PTPRM: variants seen among roughly 807,000 people sequenced by gnomAD.
PTPRM encodes the protein protein tyrosine phosphatase receptor type M.
Under a neutral mutation model 186.7 loss-of-function variants are expected in PTPRM, and 47 were observed. The ratio of observed to expected loss-of-function variants is 0.25; its 90% confidence interval spans 0.20 to 0.32. PTPRM has a LOEUF of 0.32. PTPRM is among the 10% of genes least tolerant of loss of function. The probability of loss-of-function intolerance (pLI) is 1.00; values close to 1 mark genes in which losing one functional copy is unlikely to be tolerated. For synonymous variants in PTPRM, 668 were observed against 674.9 expected, an observed-to-expected ratio of 0.99 and a Z score of 0.16; for missense variants, 1,494 against 1,865.0, an observed-to-expected ratio of 0.80 and a Z score of 3.66.
chr18:7,676,338 G>A (rs766643164), intron 1 of PTPRM, among the ~76,000 whole-genome samples: 3 of 152,144 alleles, frequency 2.0e-5, no homozygotes, highest in Non-Finnish European at 4.4e-5. Flanking sequence ...GGTGGCTGGC[G>A]ATCAGCTATA....
At chr18:8,157,935 C>CTGTG in intron 14 of PTPRM, among the ~76,000 whole-genome samples, 1 of 152,236 alleles carries the variant, frequency 6.6e-6, no homozygotes, top group Non-Finnish European at 1.5e-5. Flanking sequence ...TGTCATGTAT[C>CTGTG]TGTGTGGACT....
intron 2 of PTPRM, among the ~76,000 whole-genome samples, chr18:7,776,968 T>C (rs1259750252): frequency 7.6e-5 from 8 of 105,404 alleles, no homozygotes; most frequent in Non-Finnish European, 1.4e-4. Context: ...GTTTCCAGGG[T>C]TTTCACCTTC....
At chr18:8,209,989 T>TAAAAAAAAAAAAAAAAAA (rs67547673) in intron 14 of PTPRM, among the ~76,000 whole-genome samples, 1 of 78,696 alleles carries the variant, frequency 1.3e-5, no homozygotes, top group Admixed American at 1.8e-4. Context: ...GAAGTAAAAT[T>TAAAAAAAAAAAAAAAAAA]AAAAAAAAAA....
intron 2 of PTPRM, among the ~76,000 whole-genome samples, chr18:7,834,824 G>A (rs187085881): frequency 4.6e-5 from 7 of 151,758 alleles, no homozygotes; most frequent in African/African-American, 1.2e-4. Flanking sequence ...GAATTTCTTC[G>A]TGGTTCAATC....
intron 14 of PTPRM, among the ~76,000 whole-genome samples, chr18:8,152,447 C>A (rs2093030394): frequency 6.6e-6 from 1 of 152,140 alleles, no homozygotes. Context: ...CAGGACAAAC[C>A]GTTGCTCTGT....
chr18:7,714,749 A>G (rs1246990907), intron 1 of PTPRM, among the ~76,000 whole-genome samples: 1 of 152,228 alleles, frequency 6.6e-6, no homozygotes, highest in Non-Finnish European at 1.5e-5. Context: ...CTCTACGCAA[A>G]TAAACTAGAA....
intron 2 of PTPRM, 74 bp downstream of exon 2, chr18:7,774,345 A>G: frequency 6.5e-7 from 1 of 1,542,038 alleles, no homozygotes; most frequent in Non-Finnish European, 8.9e-7. Flanking sequence ...TTCACTGGAT[A>G]TTGGTTAAAT....
chr18:8,056,122 C>A (rs2087911436), intron 7 of PTPRM, among the ~76,000 whole-genome samples: 1 of 152,020 alleles, frequency 6.6e-6, no homozygotes, highest in South Asian at 2.1e-4. Context: ...TGGATGTATT[C>A]TTCATTTATT....
chr18:8,143,744 T>C lies in PTPRM; in HGVS notation c.2265T>C (p.Ile755=). Residue 755 remains isoleucine, a synonymous_variant, in exon 14 of 33, where the codon ATT becomes ATC. Coordinates refer to ENST00000580170, the MANE Select transcript of PTPRM (RefSeq NM_001105244.2). ...TCGCGGGCATCTTGCTGTTCGTGAT[T>C]ATATTTCTTGGAGTTGTGTTGGTAA... ...GVIAGILLFV[I]IFLGVVLVMK... is the part of the protein sequence containing the mutation. 1 of 1,614,136 alleles carries C rather than the reference T, an allele frequency of 6.2e-7. No homozygotes were observed. The highest frequency in any genetic ancestry group is 8.5e-7 in the Non-Finnish European group (1 of 1,179,964).
chr18:8,292,514 C>A (rs889667569), intron 19 of PTPRM, among the ~76,000 whole-genome samples: 1 of 152,186 alleles, frequency 6.6e-6, no homozygotes, highest in Non-Finnish European at 1.5e-5. Context: ...TGCAAGACAC[C>A]ATCACCCTAT....
chr18:8,377,526 T>C (rs1242619226), intron 26 of PTPRM: 1 of 152,194 alleles, frequency 6.6e-6, no homozygotes, highest in African/African-American at 2.4e-5. Flanking sequence ...TTACTGGTAG[T>C]GTGCTGTTTT....
At chr18:8,341,783 C>T (rs2095476493) in intron 22 of PTPRM, among the ~76,000 whole-genome samples, 1 of 151,612 alleles carries the variant, frequency 6.6e-6, no homozygotes, top group African/African-American at 2.4e-5. Flanking sequence ...CTGTTAAGTA[C>T]ACAATGAATG....
Position 7,762,489 on chromosome 18 carries a change from C to T in PTPRM, c.74-11660C>T, listed in dbSNP as rs561856446. Reference sequence around the variant, plus strand: ...CAAGGAATGAAGATAAAGAGGTAGACGGGGGTTGAATCAGAAAAACAACAG... The same window carrying T: ...CAAGGAATGAAGATAAAGAGGTAGATGGGGGTTGAATCAGAAAAACAACAG... On this transcript the variant is annotated intron_variant, in intron 1 of 32. Transcript: ENST00000580170. 4.6e-5 allele frequency among the ~76,000 whole-genome samples: 7 copies of T among 152,060 alleles called. No homozygotes were observed. The South Asian group carries it at 1.2e-3, about 27-fold the overall frequency.
intron 2 of PTPRM, among the ~76,000 whole-genome samples, chr18:7,885,534 T>A (rs1256039721): frequency 6.6e-6 from 1 of 152,162 alleles, no homozygotes; most frequent in Non-Finnish European, 1.5e-5. Context: ...TGCAAAAAAT[T>A]GCACATAAAC....
At chr18:7,680,182 T>C (rs2039448430) in intron 1 of PTPRM, among the ~76,000 whole-genome samples, 1 of 152,206 alleles carries the variant, frequency 6.6e-6, no homozygotes, top group Non-Finnish European at 1.5e-5. Flanking sequence ...AGGCTTTATT[T>C]ACTCATTTAT....
At chr18:8,242,940 T>C (rs761925846) in intron 14 of PTPRM, among the ~76,000 whole-genome samples, 2 of 152,224 alleles carry the variant, frequency 1.3e-5, no homozygotes, top group African/African-American at 2.4e-5. Context: ...TCATAGATGC[T>C]GTTAAGTGCT....
intron 1 of PTPRM, among the ~76,000 whole-genome samples, chr18:7,604,578 A>G (rs1175498571): frequency 6.6e-6 from 1 of 152,218 alleles, no homozygotes. Flanking sequence ...AATGTTAAGT[A>G]TTGATGGTGA....
intron 7 of PTPRM, among the ~76,000 whole-genome samples, chr18:7,983,460 C>CA (rs1057149988): frequency 2.6e-5 from 4 of 152,114 alleles, no homozygotes; most frequent in African/African-American, 9.7e-5. Context: ...ACTCACCAGA[C>CA]AGAGTCTTTG....
chr18:7,813,524 T>C (rs2044641451), intron 2 of PTPRM, among the ~76,000 whole-genome samples: 1 of 152,196 alleles, frequency 6.6e-6, no homozygotes, highest in Non-Finnish European at 1.5e-5. Flanking sequence ...AGGGCACTTA[T>C]CATCCAGATG....
Sources: allele counts gnomAD v4.1 joint callset (sites outside exome capture counted in the v4.1 genomes callset), GRCh38; gene constraint gnomAD v4.1.1; transcripts MANE v1.5; gene names NCBI Gene and HGNC (gene_info 2026-07-23, HGNC 2026-07-21).